Variants in CACHD1 observed in about 807,000 individuals in gnomAD.
CACHD1 encodes cache domain containing 1, also known as VWFA and cache domain-containing protein 1.
Under a neutral mutation model 138.7 loss-of-function variants are expected in CACHD1, and 71 were observed. The ratio of observed to expected loss-of-function variants is 0.51; its 90% CI spans 0.42 to 0.62. The LOEUF (loss-of-function observed/expected upper bound fraction) is 0.62. Among genes scored for constraint, CACHD1 ranks in the 20% least tolerant of loss-of-function variants. The pLI, the probability that CACHD1 is intolerant of heterozygous loss-of-function variation, is 0.00. For missense variants in CACHD1, 1,389 were observed against 1,625.3 expected, an observed-to-expected ratio of 0.85 and a Z score of 2.50; for synonymous variants, 578 against 591.5, an observed-to-expected ratio of 0.98 and a Z score of 0.33.
intron 16 of CACHD1, among the ~76,000 whole-genome samples, chr1:64,666,956 T>A (rs922451953): frequency 2.0e-5 from 3 of 152,078 alleles, no homozygotes; most frequent in Non-Finnish European, 4.4e-5. Flanking sequence ...AGTTGTTTGT[T>A]TGGTTTTCTT....
At chr1:64,630,300 A>ATTT (rs559475497) in intron 5 of CACHD1, among the ~76,000 whole-genome samples, 1 of 140,500 alleles carries the variant, frequency 7.1e-6, no homozygotes, top group Non-Finnish European at 1.5e-5. Flanking sequence ...TTTTCCTAAG[A>ATTT]TTTTTTTTTT....
At chr1:64,569,106 A>T (rs1646906158) in intron 2 of CACHD1, among the ~76,000 whole-genome samples, 1 of 151,998 alleles carries the variant, frequency 6.6e-6, no homozygotes, top group South Asian at 2.1e-4. Context: ...TTTTTAGTAG[A>T]GATGGGGTCT....
chr1:64,498,512 T>A (rs1489790114), intron 1 of CACHD1, among the ~76,000 whole-genome samples: 1 of 152,220 alleles, frequency 6.6e-6, no homozygotes, highest in African/African-American at 2.4e-5. Context: ...CTCAGCGCAA[T>A]GTGGCTTCTT....
chr1:64,514,031 A>G (rs1323716869), intron 1 of CACHD1, among the ~76,000 whole-genome samples: 1 of 152,212 alleles, frequency 6.6e-6, no homozygotes, highest in African/African-American at 2.4e-5. Context: ...CCTGTCTCTT[A>G]AAAAACAATT....
intron 1 of CACHD1, among the ~76,000 whole-genome samples, chr1:64,497,907 C>A (rs1309664171): frequency 2.0e-5 from 3 of 152,200 alleles, no homozygotes; most frequent in Non-Finnish European, 2.9e-5. Context: ...GGGCAGAACA[C>A]CTGAGGTCAG....
intron 6 of CACHD1, 78 bp downstream of exon 6, chr1:64,632,821 A>G: frequency 6.7e-7 from 1 of 1,501,834 alleles, no homozygotes; most frequent in Non-Finnish European, 9.2e-7. Flanking sequence ...TTGTTTTGTG[A>G]TATACAGATC....
At chr1:64,616,070 G>A (rs76335442) in intron 4 of CACHD1, among the ~76,000 whole-genome samples, 1 of 152,262 alleles carries the variant, frequency 6.6e-6, no homozygotes, top group East Asian at 1.9e-4. Flanking sequence ...GATTGCTTAA[G>A]ATGAAGAGAT....
chr1:64,510,268 G>C (rs143445447), intron 1 of CACHD1, among the ~76,000 whole-genome samples: 209 of 152,256 alleles, frequency 1.4e-3, no homozygotes, highest in African/African-American at 4.9e-3. Context: ...GACATTTATT[G>C]CTGTTTCAGC....
chr1:64,496,091 G>A (rs1440440918), intron 1 of CACHD1, among the ~76,000 whole-genome samples: 1 of 152,126 alleles, frequency 6.6e-6, no homozygotes, highest in South Asian at 2.1e-4. Context: ...ATGCATCCTA[G>A]AACATGAGTG....
chr1:64,644,835 C>T (rs1015410445), intron 8 of CACHD1, among the ~76,000 whole-genome samples: 5 of 152,238 alleles, frequency 3.3e-5, no homozygotes, highest in South Asian at 2.1e-4. Flanking sequence ...CAGTGGCTTA[C>T]GCCTGTAATC....
rs147175083 is a variant in CACHD1 at position 64,474,972 on chromosome 1, C to T, written c.198+4030C>T. 3.2e-3 allele frequency among the ~76,000 whole-genome samples: 482 copies of T among 152,164 alleles called. 4 individuals are homozygous for T. Among genetic ancestry groups the T allele is most frequent in the African/African-American group, 0.011 (440 of 41,502 alleles). On this transcript the variant is annotated intron_variant, in intron 1 of 26. Coordinates refer to ENST00000651257, the MANE Select transcript of CACHD1 (RefSeq NM_020925.4). ...TCTTCCAGTCAGGGCAGAAGAAATA[C>T]CAGAAGCAAGAACTGGAGCTTCAAC...
Position 64,691,633 on chromosome 1 carries a change from T to C in CACHD1, c.*72T>C. On this transcript the variant is annotated 3_prime_UTR_variant, in exon 27 of 27. Coordinates refer to ENST00000651257, the MANE Select transcript of CACHD1 (RefSeq NM_020925.4). ...TGTTCTGGAAAGAAAAAGAACCGGC[T>C]TAAAACCCACAGCAAGAGACCTCCC... The C allele has an allele frequency of 1.4e-6, 2 of 1,420,096 alleles. No homozygotes were observed. The highest frequency in any genetic ancestry group is 2.0e-6 in the Non-Finnish European group (2 of 1,015,052). 88.0% of individuals were successfully genotyped at this position (1,420,096 alleles called of 1,614,324 possible). A position where few individuals can be genotyped will look rare whatever the true frequency, so the allele number is the denominator to read the frequency against.
At chr1:64,581,692 A>G (rs1248928145) in intron 2 of CACHD1, among the ~76,000 whole-genome samples, 1 of 152,176 alleles carries the variant, frequency 6.6e-6, no homozygotes, top group Non-Finnish European at 1.5e-5. Flanking sequence ...GTAGCAGGAG[A>G]CACTGAATGT....
intron 1 of CACHD1, among the ~76,000 whole-genome samples, chr1:64,542,859 A>G (rs543288589): frequency 1.2e-3 from 186 of 152,258 alleles, no homozygotes; most frequent in Non-Finnish European, 2.1e-3. Flanking sequence ...CATCTGTAAA[A>G]TGAGGATGTA....
At chr1:64,618,384 CCTT>C (rs1384625391) in intron 4 of CACHD1, among the ~76,000 whole-genome samples, 2 of 152,134 alleles carry the variant, frequency 1.3e-5, no homozygotes, top group African/African-American at 4.8e-5. Flanking sequence ...CCCAGGTACT[CCTT>C]CTTCCAGGCT....
intron 1 of CACHD1, among the ~76,000 whole-genome samples, chr1:64,505,158 C>T (rs1391465282): frequency 6.6e-6 from 1 of 152,098 alleles, no homozygotes; most frequent in East Asian, 1.9e-4. Flanking sequence ...TATACCACCA[C>T]CCAATTTTAA....
intron 2 of CACHD1, among the ~76,000 whole-genome samples, chr1:64,555,101 G>A (rs541558596): frequency 2.6e-5 from 4 of 152,020 alleles, no homozygotes; most frequent in South Asian, 2.1e-4. Context: ...CATTCCTCCC[G>A]CTTCAGCCTC....
intron 13 of CACHD1, among the ~76,000 whole-genome samples, chr1:64,660,250 T>C (rs1649397120): frequency 6.6e-6 from 1 of 152,160 alleles, no homozygotes; most frequent in African/African-American, 2.4e-5. Flanking sequence ...TAAATTACAA[T>C]AGTTTTCTTG....
rs55746551 is a variant in CACHD1 at position 64,562,409 on chromosome 1, CTTTTT to C, written c.261+11768_261+11772del. 1.8e-3 allele frequency among the ~76,000 whole-genome samples: 203 copies of C among 109,920 alleles called. 1 individual carries two copies. Among genetic ancestry groups the C allele is most frequent in the South Asian group, 0.01 (32 of 3,062 alleles). The allele number at this position is 109,920 out of a possible 152,430, so 72.1% of individuals were successfully genotyped here. On this transcript the variant is annotated intron_variant, in intron 2 of 26. Transcript: ENST00000651257. ...GTTTATTCTTATGCTGCAGAATTTC[CTTTTT>C]TTTTTTTTTTTTTTGAGACAGAGTC...
Sources: gnomAD v4.1 joint callset for allele counts (sites outside exome capture counted in the v4.1 genomes callset) on GRCh38, gnomAD v4.1.1 for gene constraint, MANE v1.5 for transcripts, NCBI Gene and HGNC (gene_info 2026-07-23, HGNC 2026-07-21) for gene names.